Variants in CNTNAP2 observed in about 807,000 individuals in gnomAD.
The protein encoded by CNTNAP2 is contactin associated protein 2, also known as contactin-associated protein-like 2.
A neutral mutation model predicts 155.2 loss-of-function variants in CNTNAP2; 98 were observed. That is an observed-to-expected ratio of 0.63 (90% CI 0.54 to 0.75). CNTNAP2 has a LOEUF of 0.75. CNTNAP2 is among the 30% of genes least tolerant of loss of function. CNTNAP2 has a pLI of 0.00. For missense variants in CNTNAP2, 1,727 were observed against 1,688.1 expected (o/e 1.02, Z -0.40); for synonymous variants, 651 against 631.2 (o/e 1.03, Z -0.47).
chr7:147,222,626 T>C (rs1803429509), intron 8 of CNTNAP2, among the ~76,000 whole-genome samples: 1 of 152,136 alleles, frequency 6.6e-6, no homozygotes, highest in Non-Finnish European at 1.5e-5. Context: ...TTGTATGCTT[T>C]GTAATTTTTT....
At chr7:146,608,929 A>T (rs1160951141) in intron 1 of CNTNAP2, among the ~76,000 whole-genome samples, 1 of 152,110 alleles carries the variant, frequency 6.6e-6, no homozygotes, top group African/African-American at 2.4e-5. Flanking sequence ...GAAATAATTC[A>T]AAGTTTTTCC....
intron 20 of CNTNAP2, among the ~76,000 whole-genome samples, chr7:148,260,983 G>A (rs1796549194): frequency 6.6e-6 from 1 of 152,168 alleles, no homozygotes; most frequent in Non-Finnish European, 1.5e-5. Flanking sequence ...TTTAACAAGA[G>A]CTTTTTAACT....
At chr7:146,443,459 G>A (rs1164617276) in intron 1 of CNTNAP2, among the ~76,000 whole-genome samples, 1 of 152,060 alleles carries the variant, frequency 6.6e-6, no homozygotes, top group Non-Finnish European at 1.5e-5. Context: ...TTAGAAATTT[G>A]GGGACTACTC....
At chr7:148,112,604 A>G (rs117130963) in intron 15 of CNTNAP2, among the ~76,000 whole-genome samples, 2,262 of 152,150 alleles carry the variant, frequency 0.015, 37 homozygotes, top group South Asian at 0.053. Context: ...TGTGTTGCCC[A>G]GGCTGGTCTT....
At position 147,320,290 on chromosome 7, in the gene CNTNAP2, G is replaced by A. The variant is rs573177355; in HGVS notation, c.1498+20000G>A. ...CTGTCAGCCAGAGCTTAGTCCTGTG[G>A]CTACAACTAGTTGCAAAGCAAGCTG... On this transcript the variant is annotated intron_variant, in intron 9 of 23. Coordinates refer to ENST00000361727, the MANE Select transcript of CNTNAP2 (RefSeq NM_014141.6). Among the ~76,000 whole-genome samples the A allele has an allele frequency of 1.4e-4, 21 of 152,232 alleles. No homozygotes were observed. The East Asian group carries it at 4.1e-3, about 29-fold the overall frequency.
At chr7:146,496,944 G>C (rs552133718) in intron 1 of CNTNAP2, among the ~76,000 whole-genome samples, 1 of 152,260 alleles carries the variant, frequency 6.6e-6, no homozygotes, top group Admixed American at 6.5e-5. Flanking sequence ...GCCCTACTAA[G>C]GGGGAAATTC....
At chr7:148,094,154 A>T (rs1408038831) in intron 15 of CNTNAP2, among the ~76,000 whole-genome samples, 1 of 152,202 alleles carries the variant, frequency 6.6e-6, no homozygotes, top group Non-Finnish European at 1.5e-5. Context: ...AGTCCCTCCT[A>T]CTGCCCATGG....
At chr7:147,629,611 A>C (rs10243986) in intron 12 of CNTNAP2, among the ~76,000 whole-genome samples, 53,995 of 151,674 alleles carry the variant, frequency 0.36, 10,916 homozygotes, top group African/African-American at 0.53. Context: ...TTAAGAAAAT[A>C]AAAAGTATAT....
chr7:147,941,320 G>A (rs1800717964), intron 14 of CNTNAP2, among the ~76,000 whole-genome samples: 1 of 152,142 alleles, frequency 6.6e-6, no homozygotes, highest in Admixed American at 6.5e-5. Flanking sequence ...GGCAGCCGAG[G>A]GTGGGGATAG....
chr7:147,130,543 G>A (rs1046533588), intron 7 of CNTNAP2, among the ~76,000 whole-genome samples: 2 of 152,068 alleles, frequency 1.3e-5, no homozygotes, highest in Non-Finnish European at 2.9e-5. Flanking sequence ...ACAAATAATT[G>A]CAGTGAGAAA....
intron 1 of CNTNAP2, among the ~76,000 whole-genome samples, chr7:146,309,293 G>T (rs1185409300): frequency 6.6e-6 from 1 of 152,120 alleles, no homozygotes; most frequent in African/African-American, 2.4e-5. Flanking sequence ...GCTGCCATAT[G>T]TGTTTATGTA....
chr7:147,802,662 G>A (rs182764518), intron 13 of CNTNAP2, among the ~76,000 whole-genome samples: 7,089 of 151,930 alleles, frequency 0.047, 495 homozygotes, highest in African/African-American at 0.16. Flanking sequence ...TGCAATCGCA[G>A]GCACTCGGCA....
intron 21 of CNTNAP2, among the ~76,000 whole-genome samples, chr7:148,314,714 G>A (rs1797656368): frequency 6.6e-6 from 1 of 152,160 alleles, no homozygotes; most frequent in Middle Eastern, 3.4e-3. Context: ...GAGAGAAGGG[G>A]TTAGGGGGTT....
intron 21 of CNTNAP2, among the ~76,000 whole-genome samples, chr7:148,320,883 A>T (rs1797780399): frequency 6.6e-6 from 1 of 152,236 alleles, no homozygotes; most frequent in African/African-American, 2.4e-5. Context: ...TGATTGCATT[A>T]TAAACTATTC....
intron 11 of CNTNAP2, among the ~76,000 whole-genome samples, chr7:147,543,493 T>C (rs115239022): frequency 0.017 from 2,665 of 152,318 alleles, 80 homozygotes; most frequent in African/African-American, 0.061. Context: ...ACCTACCTTA[T>C]ACTATTTCTA....
chr7:146,831,391 G>A (rs1803507530), intron 2 of CNTNAP2, among the ~76,000 whole-genome samples: 2 of 152,028 alleles, frequency 1.3e-5, no homozygotes, highest in Admixed American at 6.6e-5. Context: ...AAAAGTTAAA[G>A]GAACAGGCCA....
intron 1 of CNTNAP2, among the ~76,000 whole-genome samples, chr7:146,305,218 T>A (rs1049611992): frequency 1.3e-5 from 2 of 152,188 alleles, no homozygotes; most frequent in African/African-American, 4.8e-5. Context: ...GGTTCGTACA[T>A]CCTTCTTTAG....
At chr7:148,409,512 C>A in intron 23 of CNTNAP2, 41 bp downstream of exon 23, 1 of 1,533,030 alleles carries the variant, frequency 6.5e-7, no homozygotes, top group Non-Finnish European at 9.0e-7. Flanking sequence ...GGCTACTCAA[C>A]TATGGAAAGT....
intron 2 of CNTNAP2, among the ~76,000 whole-genome samples, chr7:146,805,106 C>T (rs1386583066): frequency 1.3e-5 from 2 of 152,108 alleles, no homozygotes; most frequent in Non-Finnish European, 1.5e-5. Context: ...TTTTCTGGCC[C>T]ATCTCAGTAA....
Sources: allele counts gnomAD v4.1 joint callset (sites outside exome capture counted in the v4.1 genomes callset), GRCh38; gene constraint gnomAD v4.1.1; transcripts MANE v1.5; gene names NCBI Gene and HGNC (gene_info 2026-07-23, HGNC 2026-07-21).